Variants in ZNF862 observed in about 807,000 individuals in gnomAD.
The protein encoded by ZNF862 is zinc finger protein 862.
ZNF862 carries 64 observed loss-of-function variants against 91.1 expected under a neutral mutation model. The ratio of observed to expected loss-of-function variants is 0.70; its 90% confidence interval spans 0.57 to 0.87. ZNF862 has a LOEUF of 0.87. ZNF862 is among the 40% of genes least tolerant of loss of function. The pLI is 0.00. For missense variants in ZNF862, 1,459 were observed against 1,528.0 expected (o/e 0.95, Z 0.75); for synonymous variants, 631 against 618.1 (o/e 1.02, Z -0.31).
chr7:149,839,774 A>C (rs1344124511), intron 1 of ZNF862, among the ~76,000 whole-genome samples: 1 of 152,206 alleles, frequency 6.6e-6, no homozygotes, highest in Non-Finnish European at 1.5e-5. Context: ...ACGTGGTCCA[A>C]GCCAATAAAG....
chr7:149,851,394 A>G (rs1295707116), intron 5 of ZNF862, among the ~76,000 whole-genome samples: 1 of 152,238 alleles, frequency 6.6e-6, no homozygotes, highest in Non-Finnish European at 1.5e-5. Context: ...AGTGACTAAA[A>G]TTATTTATTT....
chr7:149,841,299 A>T, intron 1 of ZNF862: 1 of 985,386 alleles, frequency 1.0e-6, no homozygotes, highest in Non-Finnish European at 1.2e-6. Context: ...GTCTTTATTA[A>T]CTGACAGCCA....
intron 1 of ZNF862, chr7:149,840,936 G>A (rs1801682584): frequency 2.0e-6 from 2 of 985,228 alleles, no homozygotes; most frequent in South Asian, 4.7e-5. Context: ...ATTTTGGGAG[G>A]TAGAGGAGAA....
rs1802232184 is a variant in ZNF862 at position 149,855,601 on chromosome 7, T to G, written c.1118-3821T>G. On this transcript the variant is annotated intron_variant, in intron 5 of 7. Transcript: ENST00000223210. The surrounding 1 kb of genome is among the most constrained non-coding windows in gnomAD (Gnocchi z 4.1). ...GTTCTCTTCTTTGGGTGTTTGTGGG[T>G]TCTGCAGTACCCCCAACAGGCACTG... Among the ~76,000 whole-genome samples the G allele has an allele frequency of 6.6e-6, 1 of 152,202 alleles. No individual in the cohort carries two copies. Among genetic ancestry groups the G allele is most frequent in the Admixed American group, 6.5e-5 (1 of 15,278 alleles).
At position 149,848,223 on chromosome 7, in the gene ZNF862, C is replaced by A; in HGVS notation, c.730C>A (p.Pro244Thr). Residue 244 changes from proline (P) to threonine (T), a missense_variant, in exon 4 of 8, where the codon CCC becomes ACC. Coordinates refer to ENST00000223210, the MANE Select transcript of ZNF862 (RefSeq NM_001099220.3). The stretch of plus-strand genomic sequence containing the variant: ...CACTGCAGATTGCCCCATATTCTAC[C>A]CCCCAGGGCCTCTGGGAGGATTTGA... ...LFTADCPIFYPPGPLGGFDSM... is the reference protein window; with the variant it reads ...LFTADCPIFYTPGPLGGFDSM... The A allele has an allele frequency of 6.2e-7, 1 of 1,613,842 alleles. No individual in the cohort carries two copies. Among genetic ancestry groups the A allele is most frequent in the East Asian group, 2.2e-5 (1 of 44,876 alleles).
chr7:149,845,666 T>C (rs2128936535), intron 2 of ZNF862, among the ~76,000 whole-genome samples: 1 of 152,336 alleles, frequency 6.6e-6, no homozygotes, highest in East Asian at 1.9e-4. Flanking sequence ...TGCCAATATT[T>C]AGTTATTAGG....
intron 5 of ZNF862, chr7:149,852,059 T>C (rs1586053966): frequency 1.3e-5 from 2 of 152,186 alleles, no homozygotes; most frequent in African/African-American, 2.4e-5. Context: ...GTTTGAGATA[T>C]AGAAGCATCT....
rs368345043 is a variant in ZNF862, at chr7:149,838,457, C to A, written c.-155C>A. ...CTGGGTCCACCGGCGCTACCGCCCCCCGACGTGAGAGAGCGAAGTTCTTGG... is the reference window on the plus strand; with the variant it reads ...CTGGGTCCACCGGCGCTACCGCCCCACGACGTGAGAGAGCGAAGTTCTTGG... On this transcript the variant is annotated 5_prime_UTR_variant, in exon 1 of 8. Transcript: ENST00000223210. 3.2e-5 allele frequency: 14 copies of A among 443,406 alleles called. No individual in the cohort carries two copies. Among genetic ancestry groups the A allele is most frequent in the Admixed American group, 1.8e-4 (4 of 22,730 alleles). 27.5% of individuals were successfully genotyped at this position (443,406 alleles called of 1,614,324 possible).
Position 149,847,723 on chromosome 7 carries a change from T to G in ZNF862, c.242-12T>G. On this transcript the variant is annotated splice_polypyrimidine_tract_variant and intron_variant, in intron 3 of 7. Coordinates refer to ENST00000223210, the MANE Select transcript of ZNF862 (RefSeq NM_001099220.3). ...GATTTTAAAGCCAATCCCTTCTGTC[T>G]CTTCTCTAAAGGAAAAAAACAGATG... 6.3e-7 allele frequency: 1 copy of G among 1,596,198 alleles called. No homozygotes were observed.
At chr7:149,848,518 A>G (rs1390560627) in intron 4 of ZNF862, 86 bp downstream of exon 4, 2 of 1,133,916 alleles carry the variant, frequency 1.8e-6, no homozygotes, top group Non-Finnish European at 2.4e-6. Context: ...GATGGAAAAA[A>G]GAATACTAGT....
rs752704856 is a variant in ZNF862, at chr7:149,861,682, G to A, written c.2522G>A (p.Cys841Tyr). 2 of 1,612,152 alleles carry A rather than the reference G, an allele frequency of 1.2e-6. No homozygotes were observed. Among genetic ancestry groups the A allele is most frequent in the East Asian group, 2.2e-5 (1 of 44,832 alleles). Reference protein sequence around the residue: ...LMRGFHFVKFCHFLLDFLSIY... With the variant: ...LMRGFHFVKFYHFLLDFLSIY... Reference sequence around the variant, plus strand: ...CGCGGCTTCCACTTTGTCAAGTTCTGCCACTTCCTGTTGGACTTCCTGAGC... The same window carrying A: ...CGCGGCTTCCACTTTGTCAAGTTCTACCACTTCCTGTTGGACTTCCTGAGC... The change falls in exon 7 of 8, where the codon TGC becomes TAC. Residue 841 changes from cysteine (C) to tyrosine (Y), a missense_variant. Coordinates refer to ENST00000223210, the MANE Select transcript of ZNF862 (RefSeq NM_001099220.3). The surrounding 1 kb of genome is among the most constrained non-coding windows in gnomAD (Gnocchi z 6.7).
intron 1 of ZNF862, among the ~76,000 whole-genome samples, chr7:149,843,922 T>C (rs1801787795): frequency 6.6e-6 from 1 of 152,244 alleles, no homozygotes; most frequent in Non-Finnish European, 1.5e-5. Flanking sequence ...TTGGATCTGC[T>C]GAAGTGACTG....
intron 6 of ZNF862, 179 bp from the exon 7 acceptor site, chr7:149,860,204 T>C: frequency 1.6e-6 from 1 of 633,574 alleles, no homozygotes; most frequent in South Asian, 2.2e-5. Flanking sequence ...CCAGATGAAC[T>C]TTCACAGATG....
rs1802237486 is a variant in ZNF862 at position 149,855,752 on chromosome 7, A to G, written c.1118-3670A>G. Among the ~76,000 whole-genome samples, 1 of 152,152 alleles carries G rather than the reference A, an allele frequency of 6.6e-6. No homozygotes were observed. The highest frequency in any genetic ancestry group is 2.4e-5 in the African/African-American group (1 of 41,412). ...CCGTCACGGGCAGGCCCCACAGACA[A>G]CGCCAGGCCTCTTCTCATTCCCCAT... is the stretch of plus-strand genomic sequence containing the variant. On this transcript the variant is annotated intron_variant, in intron 5 of 7. Transcript: ENST00000223210. The surrounding 1 kb of genome is among the most constrained non-coding windows in gnomAD (Gnocchi z 4.1).
chr7:149,844,874 A>T (rs1801818934), intron 2 of ZNF862, 138 bp downstream of exon 2: 1 of 628,294 alleles, frequency 1.6e-6, no homozygotes, highest in Non-Finnish European at 2.9e-6. Context: ...TGTCTGCTCG[A>T]TCCCGTATCT....
chr7:149,841,211 T>C (rs956309738), intron 1 of ZNF862: 33 of 985,340 alleles, frequency 3.3e-5, no homozygotes, highest in Non-Finnish European at 3.9e-5. Context: ...AGCATTCTTA[T>C]GGCTCAGAAC....
At position 149,838,652 on chromosome 7, in the gene ZNF862, C is replaced by T. The variant is rs1801601351; in HGVS notation, c.24+17C>T. The T allele has an allele frequency of 1.6e-6, 2 of 1,221,440 alleles. No individual in the cohort carries two copies. The highest frequency in any genetic ancestry group is 2.1e-6 in the Non-Finnish European group (2 of 974,156). 75.7% of individuals were successfully genotyped at this position (1,221,440 alleles called of 1,614,324 possible). A position where few individuals can be genotyped will look rare whatever the true frequency, so the allele number is the denominator to read the frequency against. On this transcript the variant is annotated intron_variant, in intron 1 of 7. Coordinates refer to ENST00000223210, the MANE Select transcript of ZNF862 (RefSeq NM_001099220.3). Reference sequence around the variant, plus strand: ...TCGGGGAAGGTAGGACTGGAAGGCCCGGGGGCCGCCCGCTCCCTCCCGAGG... The same window carrying T: ...TCGGGGAAGGTAGGACTGGAAGGCCTGGGGGCCGCCCGCTCCCTCCCGAGG...
chr7:149,851,606 G>A (rs1243606218), intron 5 of ZNF862: 2 of 152,250 alleles, frequency 1.3e-5, no homozygotes, highest in Non-Finnish European at 2.9e-5. Flanking sequence ...GCCCCCGGGC[G>A]ATTGTGAAGG....
At chr7:149,856,252 A>G (rs1422625707) in intron 5 of ZNF862, 1 of 152,172 alleles carries the variant, frequency 6.6e-6, no homozygotes, top group Non-Finnish European at 1.5e-5. Flanking sequence ...TGTATTCCTG[A>G]TTTATTGATT....
Sources: gnomAD v4.1 joint callset for allele counts (sites outside exome capture counted in the v4.1 genomes callset) on GRCh38, gnomAD v4.1.1 for gene constraint, Gnocchi (gnomAD v3.1) non-coding constraint, MANE v1.5 for transcripts, NCBI Gene and HGNC (gene_info 2026-07-23, HGNC 2026-07-21) for gene names.